DLG1: variants seen among roughly 807,000 people sequenced by gnomAD.
DLG1 encodes the protein disks large homolog 1.
In DLG1, 42 loss-of-function variants were observed where a neutral mutation model predicts 123.4. The ratio of observed to expected loss-of-function variants is 0.34; its 90% CI spans 0.27 to 0.44. The LOEUF (loss-of-function observed/expected upper bound fraction) is 0.44, where lower values mean the gene tolerates loss of function less well. Among genes scored for constraint, DLG1 ranks in the 20% least tolerant of loss-of-function variants. The probability of loss-of-function intolerance (pLI) is 1.00; values close to 1 mark genes in which losing one functional copy is unlikely to be tolerated. For synonymous variants in DLG1, 317 were observed against 356.2 expected (o/e 0.89, Z 1.24); for missense variants, 942 against 1,082.6 (o/e 0.87, Z 1.82).
At chr3:197,171,823 A>G (rs1384707188) in intron 5 of DLG1, among the ~76,000 whole-genome samples, 1 of 152,190 alleles carries the variant, frequency 6.6e-6, no homozygotes, top group Non-Finnish European at 1.5e-5. Flanking sequence ...CAAATGCAAT[A>G]ATGTGCTTTT....
At chr3:197,110,065 CA>C (rs1419766939) in intron 13 of DLG1, among the ~76,000 whole-genome samples, 1 of 152,114 alleles carries the variant, frequency 6.6e-6, no homozygotes. Flanking sequence ...AGTATTTATT[CA>C]AATATTCTTT....
chr3:197,297,770 C>G, intron 1 of DLG1: 1 of 985,958 alleles, frequency 1.0e-6, no homozygotes, highest in Middle Eastern at 5.2e-4. Context: ...TGCACACCTC[C>G]GCGGGCCCCC....
At chr3:197,252,951 A>G (rs1263570570) in intron 4 of DLG1, among the ~76,000 whole-genome samples, 1 of 152,204 alleles carries the variant, frequency 6.6e-6, no homozygotes, top group East Asian at 1.9e-4. Flanking sequence ...TAAAAAAAAT[A>G]CTAACCCAAA....
chr3:197,284,570 A>C (rs1052565432), intron 3 of DLG1, among the ~76,000 whole-genome samples: 3 of 152,176 alleles, frequency 2.0e-5, no homozygotes, highest in Admixed American at 2.0e-4. Flanking sequence ...CAATAGCTAC[A>C]AGTGATTCTA....
At chr3:197,212,598 T>C (rs1367293738) in intron 4 of DLG1, among the ~76,000 whole-genome samples, 2 of 152,252 alleles carry the variant, frequency 1.3e-5, no homozygotes, top group African/African-American at 4.8e-5. Context: ...TCTGCCTTCA[T>C]CTTCACATGG....
chr3:197,201,026 A>G (rs893427131), intron 4 of DLG1, among the ~76,000 whole-genome samples: 7 of 152,324 alleles, frequency 4.6e-5, no homozygotes, highest in Admixed American at 3.9e-4. Context: ...TCCAAATTAG[A>G]AAAGAGGAAG....
At position 197,076,715 on chromosome 3, in the gene DLG1, G is replaced by A. The variant is rs1241116570; in HGVS notation, c.1906-30C>T. ...AGAAGAGAAGGAGGGGCAAAACAAA[G>A]GGATGTCTACTGTCTGTGTGTACAA... On this transcript the variant is annotated intron_variant, in intron 17 of 24. Coordinates refer to ENST00000667157, the MANE Select transcript of DLG1 (RefSeq NM_001366207.1). The A allele has an allele frequency of 1.9e-6, 3 of 1,555,262 alleles. No individual in the cohort carries two copies. In the South Asian group the frequency reaches 3.3e-5, roughly 17 times the overall value.
At chr3:197,193,866 C>G (rs1720998198) in intron 5 of DLG1, among the ~76,000 whole-genome samples, 1 of 151,550 alleles carries the variant, frequency 6.6e-6, no homozygotes. Flanking sequence ...GTCGCCCAGG[C>G]TGGAGTGCAG....
intron 14 of DLG1, among the ~76,000 whole-genome samples, chr3:197,098,612 G>A (rs913080186): frequency 3.3e-5 from 5 of 152,024 alleles, no homozygotes; most frequent in African/African-American, 9.7e-5. Context: ...CCGGCTCATC[G>A]CAGCTTCTGC....
intron 10 of DLG1, among the ~76,000 whole-genome samples, chr3:197,131,695 G>A (rs1020721921): frequency 1.5e-5 from 2 of 133,726 alleles, no homozygotes; most frequent in Admixed American, 8.4e-5. Flanking sequence ...CCGGGTTCAC[G>A]CCATTCTCCT....
chr3:197,294,562 G>A (rs1254569548), intron 3 of DLG1, among the ~76,000 whole-genome samples: 1 of 151,798 alleles, frequency 6.6e-6, no homozygotes, highest in Non-Finnish European at 1.5e-5. Flanking sequence ...GGAGGCTGAG[G>A]CAGGAGAATG....
At chr3:197,288,623 A>AG (rs1307194985) in intron 3 of DLG1, among the ~76,000 whole-genome samples, 1 of 147,268 alleles carries the variant, frequency 6.8e-6, no homozygotes, top group African/African-American at 2.5e-5. Flanking sequence ...CAGGAGGCTG[A>AG]GGCAGGAGAA....
chr3:197,085,446 C>T, intron 16 of DLG1, 134 bp downstream of exon 16: 2 of 861,172 alleles, frequency 2.3e-6, no homozygotes, highest in Admixed American at 2.3e-5. Context: ...CGATTTTTGT[C>T]TTTCTGTGTC....
intron 12 of DLG1, among the ~76,000 whole-genome samples, chr3:197,118,044 ATGT>A (rs916164706): frequency 1.2e-4 from 19 of 152,104 alleles, no homozygotes; most frequent in Non-Finnish European, 2.5e-4. Context: ...AGAACTTATA[ATGT>A]TGGAAAGATT....
rs546231159 is a variant in DLG1 at position 197,187,470 on chromosome 3, T to C, written c.483+6955A>G. Among the ~76,000 whole-genome samples, 7 of 152,330 alleles carry C rather than the reference T, an allele frequency of 4.6e-5. No individual in the cohort carries two copies. In the South Asian group the frequency reaches 1.0e-3, roughly 23 times the overall value. On this transcript the variant is annotated intron_variant, in intron 5 of 24. Coordinates refer to ENST00000667157, the MANE Select transcript of DLG1 (RefSeq NM_001366207.1). ...GGATGAAATAAAATGCTAGGAAATA[T>C]ACTTATTTAGCACAATTATCTGCTC...
At chr3:197,137,783 A>C (rs1785793133) in intron 9 of DLG1, among the ~76,000 whole-genome samples, 1 of 151,894 alleles carries the variant, frequency 6.6e-6, no homozygotes, top group South Asian at 2.1e-4. Context: ...CAGCCTAGGC[A>C]ATGCAGGGAG....
At position 197,209,717 on chromosome 3, in the gene DLG1, T is replaced by C. The variant is rs1455308358; in HGVS notation, c.319-15128A>G. On this transcript the variant is annotated intron_variant, in intron 4 of 24. Transcript: ENST00000667157. ...CTGAGAAACAAGGTATCTAGTAAAA[T>C]TCCTAATATTTGAACATTAAACAAC... 1.4e-5 allele frequency among the ~76,000 whole-genome samples: 2 copies of C among 146,498 alleles called. 1 individual carries two copies. Among genetic ancestry groups the C allele is most frequent in the Non-Finnish European group, 3.1e-5 (2 of 65,184 alleles).
At chr3:197,203,161 G>A (rs555575876) in intron 4 of DLG1, among the ~76,000 whole-genome samples, 1 of 152,242 alleles carries the variant, frequency 6.6e-6, no homozygotes, top group South Asian at 2.1e-4. Context: ...TACTGGGGAG[G>A]CCGAGGGTAG....
intron 15 of DLG1, among the ~76,000 whole-genome samples, chr3:197,090,117 G>T (rs1206668982): frequency 6.6e-6 from 1 of 151,972 alleles, no homozygotes. Context: ...TAAATGAAAC[G>T]TATTAGGAAC....
Sources: gnomAD v4.1 joint callset for allele counts (sites outside exome capture counted in the v4.1 genomes callset) on GRCh38, gnomAD v4.1.1 for gene constraint, MANE v1.5 for transcripts, NCBI Gene and HGNC (gene_info 2026-07-23, HGNC 2026-07-21) for gene names.